Variants in PTPRD observed in about 807,000 individuals in gnomAD.
The protein encoded by PTPRD is protein tyrosine phosphatase receptor type D.
A neutral mutation model predicts 214.5 loss-of-function variants in PTPRD; 34 were observed. The observed-to-expected ratio is 0.16, with a 90% CI of 0.12 to 0.21. PTPRD has a LOEUF of 0.21. PTPRD is among the 10% of genes least tolerant of loss of function. The pLI is 1.00. For missense variants in PTPRD, 2,545 were observed against 2,398.7 expected, an observed-to-expected ratio of 1.06 and a Z score of -1.27; for synonymous variants, 1,128 against 845.7, an observed-to-expected ratio of 1.33 and a Z score of -5.79.
At chr9:9,535,838 G>A (rs772810818) in intron 8 of PTPRD, among the ~76,000 whole-genome samples, 3 of 152,030 alleles carry the variant, frequency 2.0e-5, no homozygotes, top group Non-Finnish European at 4.4e-5. Flanking sequence ...GGGGAGGGGT[G>A]TGTGTGTACA....
intron 2 of PTPRD, among the ~76,000 whole-genome samples, chr9:10,366,750 T>G (rs2097524289): frequency 6.6e-6 from 1 of 152,164 alleles, no homozygotes; most frequent in African/African-American, 2.4e-5. Flanking sequence ...TTGTTCATAT[T>G]TATTGCCACG....
intron 3 of PTPRD, among the ~76,000 whole-genome samples, chr9:10,061,096 A>T (rs1002825821): frequency 4.6e-5 from 7 of 151,504 alleles, no homozygotes; most frequent in African/African-American, 1.5e-4. Context: ...GGTCAGGTAT[A>T]TGGTGTTCAG....
chr9:10,570,986 C>T (rs960994059), intron 2 of PTPRD, among the ~76,000 whole-genome samples: 1 of 151,772 alleles, frequency 6.6e-6, no homozygotes, highest in Non-Finnish European at 1.5e-5. Context: ...TAACAGTGTG[C>T]AGCAGAATAT....
rs1280976595 is a variant in PTPRD, at chr9:9,783,801, G to A, written c.-367-16950C>T. Among the ~76,000 whole-genome samples, 8 of 138,734 alleles carry A rather than the reference G, an allele frequency of 5.8e-5. No individual in the cohort carries two copies. In the East Asian group the frequency reaches 1.8e-3, roughly 30 times the overall value. The allele number at this position is 138,734 out of a possible 152,430, so 91.0% of individuals were successfully genotyped here. On this transcript the variant is annotated intron_variant, in intron 5 of 45. Coordinates refer to ENST00000381196, the MANE Select transcript of PTPRD (RefSeq NM_002839.4). ...CCCAGGCTAAGGTAATTATTCATCT[G>A]TTTTTCTCTCCTGCTTCGTTTTTTT...
chr9:8,802,011 C>G (rs930954853), intron 11 of PTPRD, among the ~76,000 whole-genome samples: 1 of 152,088 alleles, frequency 6.6e-6, no homozygotes, highest in Non-Finnish European at 1.5e-5. Flanking sequence ...TTTTGAAAAT[C>G]CTAAAATATT....
intron 8 of PTPRD, among the ~76,000 whole-genome samples, chr9:9,506,582 G>T (rs1392478770): frequency 6.6e-6 from 1 of 151,334 alleles, no homozygotes; most frequent in African/African-American, 2.4e-5. Flanking sequence ...GCCTAGAGAT[G>T]AATGTATCAG....
chr9:8,841,210 G>C (rs763210622), intron 11 of PTPRD, among the ~76,000 whole-genome samples: 2 of 152,118 alleles, frequency 1.3e-5, no homozygotes, highest in Non-Finnish European at 2.9e-5. Context: ...AATGGAGCTG[G>C]TATACATAAG....
intron 9 of PTPRD, among the ~76,000 whole-genome samples, chr9:9,386,917 G>A (rs1358696615): frequency 6.6e-6 from 1 of 152,064 alleles, no homozygotes; most frequent in Admixed American, 6.6e-5. Flanking sequence ...TTATCTAAAG[G>A]GAGAAATGAA....
At chr9:8,833,755 T>C (rs549616871) in intron 11 of PTPRD, among the ~76,000 whole-genome samples, 1 of 146,364 alleles carries the variant, frequency 6.8e-6, no homozygotes, top group Non-Finnish European at 1.5e-5. Context: ...CACGATTCTA[T>C]ATATATTATA....
chr9:10,505,594 C>A (rs1018939217), intron 2 of PTPRD, among the ~76,000 whole-genome samples: 9 of 152,060 alleles, frequency 5.9e-5, no homozygotes, highest in African/African-American at 2.2e-4. Flanking sequence ...AACTTTCCCT[C>A]CTGTAGTCAC....
chr9:9,330,514 T>C (rs1048798363), intron 9 of PTPRD, among the ~76,000 whole-genome samples: 6 of 152,226 alleles, frequency 3.9e-5, no homozygotes, highest in African/African-American at 1.4e-4. Context: ...AAACTTGTAT[T>C]TAATGTGAAA....
chr9:9,411,593 C>T (rs577595878), intron 8 of PTPRD, among the ~76,000 whole-genome samples: 23 of 152,170 alleles, frequency 1.5e-4, no homozygotes, highest in Middle Eastern at 3.4e-3. Context: ...CTAACGTTTC[C>T]GAAATGAGAG....
intron 35 of PTPRD, among the ~76,000 whole-genome samples, chr9:8,417,292 C>A (rs1043511760): frequency 2.6e-5 from 4 of 152,130 alleles, no homozygotes; most frequent in African/African-American, 9.7e-5. Flanking sequence ...TCCCTGGTTT[C>A]TACACACCCA....
At chr9:9,367,926 G>A (rs2058333439) in intron 9 of PTPRD, among the ~76,000 whole-genome samples, 11 of 151,732 alleles carry the variant, frequency 7.2e-5, no homozygotes, top group Admixed American at 7.2e-4. Flanking sequence ...AGAGCTACTA[G>A]CACACATGAG....
At chr9:8,548,526 C>A (rs2080994439) in intron 14 of PTPRD, among the ~76,000 whole-genome samples, 1 of 151,968 alleles carries the variant, frequency 6.6e-6, no homozygotes, top group African/African-American at 2.4e-5. Flanking sequence ...CACCACCAAA[C>A]CTGGCTAATT....
At chr9:9,840,761 C>CAAAAAAAAAA (rs59780411) in intron 5 of PTPRD, among the ~76,000 whole-genome samples, 8 of 61,624 alleles carry the variant, frequency 1.3e-4, no homozygotes, top group African/African-American at 1.5e-4. Context: ...GACTCCGTTT[C>CAAAAAAAAAA]AAAAAAAAAA....
intron 2 of PTPRD, among the ~76,000 whole-genome samples, chr9:10,535,401 T>C (rs1243736657): frequency 6.6e-6 from 1 of 152,140 alleles, no homozygotes; most frequent in African/African-American, 2.4e-5. Context: ...GGCTGATTCA[T>C]TAGAAAATTT....
intron 4 of PTPRD, among the ~76,000 whole-genome samples, chr9:9,989,978 G>A (rs766887991): frequency 7.2e-5 from 11 of 152,180 alleles, no homozygotes; most frequent in Non-Finnish European, 1.3e-4. Context: ...AGGGGTCAAG[G>A]GGACTATCCC....
At chr9:8,504,519 A>G (rs1056104126) in intron 22 of PTPRD, 114 bp from the exon 23 acceptor site, 4 of 1,227,218 alleles carry the variant, frequency 3.3e-6, no homozygotes, top group Non-Finnish European at 4.6e-6. Flanking sequence ...TCATCAAAAT[A>G]TCACCAAAAG....
Sources: allele counts gnomAD v4.1 joint callset (sites outside exome capture counted in the v4.1 genomes callset), GRCh38; gene constraint gnomAD v4.1.1; transcripts MANE v1.5; gene names NCBI Gene and HGNC (gene_info 2026-07-23, HGNC 2026-07-21).